IFT172: variants seen among roughly 807,000 people sequenced by gnomAD.
The protein encoded by IFT172 is intraflagellar transport protein 172 homolog.
A neutral mutation model predicts 248.9 loss-of-function variants in IFT172; 164 were observed. That is an observed-to-expected ratio of 0.66 (90% CI 0.58 to 0.75). The LOEUF is 0.75. Among genes scored for constraint, IFT172 ranks in the 30% least tolerant of loss-of-function variants. The pLI is 0.00. For missense variants in IFT172, 1,950 were observed against 2,192.4 expected (o/e 0.89, Z 2.21); for synonymous variants, 729 against 791.6 (o/e 0.92, Z 1.33).
intron 35 of IFT172, chr2:27,453,168 T>TCC (rs944121210): frequency 1.4e-6 from 1 of 704,898 alleles, no homozygotes; most frequent in African/African-American, 1.8e-5. Context: ...TTGGTCTAAT[T>TCC]CCCCTAACTT....
Position 27,454,630 on chromosome 2 carries a change from C to T in IFT172, c.3402G>A (p.Arg1134=). ...CSFEFAFELS[R]LALKHKTPEV... is the part of the protein sequence containing the mutation. Reference sequence around the variant, plus strand: ...CGGGGGTTTTGTGCTTGAGGGCCAGCCGAGAGAGTTCAAACGCAAATTCAA... The same window carrying T: ...CGGGGGTTTTGTGCTTGAGGGCCAGTCGAGAGAGTTCAAACGCAAATTCAA... Residue 1134 remains arginine, a synonymous_variant, in exon 31 of 48, where the codon CGG becomes CGA. Coordinates refer to ENST00000260570, the MANE Select transcript of IFT172 (RefSeq NM_015662.3). The surrounding 1 kb of genome is among the most constrained non-coding windows in gnomAD (Gnocchi z 4.2). The T allele has an allele frequency of 6.2e-7, 1 of 1,613,964 alleles. No homozygotes were observed.
chr2:27,462,670 C>T (rs1447236491), intron 20 of IFT172, 31 bp downstream of exon 20: 14 of 1,583,736 alleles, frequency 8.8e-6, no homozygotes, highest in Non-Finnish European at 1.1e-5. Flanking sequence ...CTCATATCCC[C>T]TCTTCCATCC....
At chr2:27,462,576 A>G (rs961270856) in intron 20 of IFT172, 125 bp downstream of exon 20, 1 of 792,272 alleles carries the variant, frequency 1.3e-6, no homozygotes, top group Non-Finnish European at 2.1e-6. Flanking sequence ...AACCCCTTTG[A>G]AAGTTTTCCC....
At position 27,454,824 on chromosome 2, in the gene IFT172, G is replaced by A. The variant is rs780104; in HGVS notation, c.3372-164C>T. ...AGCGTGGAGAGATAAAAAGGAAGAC[G>A]GGCAGGCAGCCCTGTGAAGACCATG... is the stretch of plus-strand genomic sequence containing the variant. On this transcript the variant is annotated intron_variant, in intron 30 of 47. Coordinates refer to ENST00000260570, the MANE Select transcript of IFT172 (RefSeq NM_015662.3). The surrounding 1 kb of genome is among the most constrained non-coding windows in gnomAD (Gnocchi z 4.2). Among the ~76,000 whole-genome samples, 70,618 of 152,024 alleles carry A rather than the reference G, an allele frequency of 0.46. 17,922 individuals carry two copies. The highest frequency in any genetic ancestry group is 0.67 in the African/African-American group (27,667 of 41,486).
At chr2:27,451,985 GTGTGTATA>G (rs894774620) in intron 35 of IFT172, among the ~76,000 whole-genome samples, 1 of 112,558 alleles carries the variant, frequency 8.9e-6, no homozygotes, top group Admixed American at 9.0e-5. Context: ...ATGTATGTGT[GTGTGTATA>G]TATATATATA....
chr2:27,461,600 C>G (rs1016216993), intron 21 of IFT172, 83 bp from the exon 22 acceptor site: 1 of 1,543,318 alleles, frequency 6.5e-7, no homozygotes, highest in South Asian at 1.2e-5. Flanking sequence ...CCCTCTATAA[C>G]AAGGGGAATC....
intron 24 of IFT172, 53 bp from the exon 25 acceptor site, chr2:27,459,575 G>T: frequency 6.2e-7 from 1 of 1,607,648 alleles, no homozygotes. Flanking sequence ...GAAGATGAAT[G>T]GAGGTAAAAG....
chr2:27,463,033 G>A, intron 19 of IFT172, 64 bp downstream of exon 19: 2 of 1,542,688 alleles, frequency 1.3e-6, no homozygotes, highest in South Asian at 1.1e-5. Context: ...GGAATCATGG[G>A]GCTGAATACT....
intron 18 of IFT172, 63 bp from the exon 19 acceptor site, chr2:27,463,244 G>A (rs963184976): frequency 3.4e-6 from 5 of 1,460,910 alleles, no homozygotes; most frequent in Non-Finnish European, 4.8e-6. Context: ...TAATTCATTG[G>A]TTCAGCAAAT....
intron 15 of IFT172, 105 bp from the exon 16 acceptor site, chr2:27,471,200 T>C: frequency 9.2e-7 from 1 of 1,087,164 alleles, no homozygotes; most frequent in South Asian, 1.4e-5. Context: ...AACCCACCAC[T>C]CAGGTTCATG....
intron 14 of IFT172, among the ~76,000 whole-genome samples, chr2:27,474,710 C>G (rs1165562369): frequency 6.6e-6 from 1 of 152,094 alleles, no homozygotes; most frequent in Non-Finnish European, 1.5e-5. Flanking sequence ...CTCCACCATG[C>G]CCGGCTAATT....
intron 42 of IFT172, among the ~76,000 whole-genome samples, chr2:27,446,795 G>C (rs1270331219): frequency 6.9e-6 from 1 of 144,230 alleles, no homozygotes; most frequent in Non-Finnish European, 1.5e-5. Flanking sequence ...CGCTTCCCGG[G>C]TTCACGCCAT....
chr2:27,484,202 T>G (rs1173713036), intron 4 of IFT172, 25 bp downstream of exon 4: 7 of 1,613,902 alleles, frequency 4.3e-6, no homozygotes, highest in Non-Finnish European at 5.9e-6. Flanking sequence ...CATCCTAAGG[T>G]TCCAGGGACT....
Position 27,481,200 on chromosome 2 carries a change from C to T in IFT172, c.631G>A (p.Val211Met), listed in dbSNP as rs757478657. ...ATTTTCCGATCACAGCCTGCAGCCA[C>T]GATGCTATTGGTTGCCCATGCCAAG... ...YALAWATNSI[V>M]AAGCDRKIVA... The change falls in exon 8 of 48, where the codon GTG becomes ATG. Residue 211 changes from valine to methionine, a missense_variant. Coordinates refer to ENST00000260570, the MANE Select transcript of IFT172 (RefSeq NM_015662.3). 2.3e-5 allele frequency: 37 copies of T among 1,612,924 alleles called. No homozygotes were observed. Among genetic ancestry groups the T allele is most frequent in the Middle Eastern group, 1.9e-4 (1 of 5,136 alleles).
In IFT172 at chr2:27,449,796, G is replaced by C; in HGVS notation, c.4055C>G (p.Ala1352Gly). ...AAGGTCCAGATTCAGATAGAGCTCT[G>C]CAGCCTGCACAGTGGGAAATCAGCG... ...LIGIGKHSAA[A>G]ELYLNLDLVK... is the part of the protein sequence containing the mutation. The change falls in exon 37 of 48, where the codon GCA (alanine) becomes GGA (glycine). Residue 1352 changes from alanine to glycine, a missense_variant. Coordinates refer to ENST00000260570, the MANE Select transcript of IFT172 (RefSeq NM_015662.3). 1 of 1,610,448 alleles carries C rather than the reference G, an allele frequency of 6.2e-7. No homozygotes were observed. The highest frequency in any genetic ancestry group is 8.5e-7 in the Non-Finnish European group (1 of 1,177,404).
intron 29 of IFT172, among the ~76,000 whole-genome samples, chr2:27,456,995 A>C (rs1267272215): frequency 6.6e-6 from 1 of 152,150 alleles, no homozygotes; most frequent in Non-Finnish European, 1.5e-5. Flanking sequence ...CAGTGAGCCA[A>C]GACTGTGCCA....
intron 20 of IFT172, 40 bp from the exon 21 acceptor site, chr2:27,461,876 A>T (rs1314273077): frequency 6.2e-7 from 1 of 1,610,756 alleles, no homozygotes; most frequent in Admixed American, 1.7e-5. Context: ...CACCAGAAAG[A>T]TATGAGGATC....
rs1235174997 is a variant in IFT172, at chr2:27,454,587, C to A, written c.3445G>T (p.Ala1149Ser). 2 of 1,613,940 alleles carry A rather than the reference C, an allele frequency of 1.2e-6. No individual in the cohort carries two copies. The highest frequency in any genetic ancestry group is 1.1e-5 in the South Asian group (1 of 91,072). Reference protein sequence around the residue: ...HKTPEVHLKYAMFLEDEGKFE... With the variant: ...HKTPEVHLKYSMFLEDEGKFE... Reference sequence around the variant, plus strand: ...CATACCTCATCCTCCAGGAACATAGCATATTTGAGATGAACCTCGGGGGTT... The same window carrying A: ...CATACCTCATCCTCCAGGAACATAGAATATTTGAGATGAACCTCGGGGGTT... Residue 1149 changes from alanine (A) to serine (S), a missense_variant, in exon 31 of 48, where the codon GCT becomes TCT. Ala to Ser is a moderately conservative substitution (Grantham distance 99). This residue lies in a region of IFT172 where 164 missense variants were observed against 239.3 expected (regional missense o/e 0.69). Coordinates refer to ENST00000260570, the MANE Select transcript of IFT172 (RefSeq NM_015662.3). The surrounding 1 kb of genome is among the most constrained non-coding windows in gnomAD (Gnocchi z 4.2).
At chr2:27,472,507 A>T (rs1026878409) in intron 14 of IFT172, 145 bp from the exon 15 acceptor site, 14 of 640,750 alleles carry the variant, frequency 2.2e-5, no homozygotes, top group Non-Finnish European at 3.5e-5. Flanking sequence ...TTGTTAACTC[A>T]AAAGGTCCAG....
Sources: allele counts gnomAD v4.1 joint callset (sites outside exome capture counted in the v4.1 genomes callset), GRCh38; gene constraint gnomAD v4.1.1; regional missense constraint gnomAD v4.1.1; non-coding constraint Gnocchi (gnomAD v3.1); transcripts MANE v1.5; gene names NCBI Gene and HGNC (gene_info 2026-07-23, HGNC 2026-07-21).